CSMD1: variants seen among roughly 807,000 people sequenced by gnomAD.
CSMD1 encodes CUB and Sushi multiple domains 1.
In CSMD1, 213 loss-of-function variants were observed where a neutral mutation model predicts 417.5. That is an observed-to-expected ratio of 0.51 (90% confidence interval 0.46 to 0.57). The LOEUF is 0.57. Among genes scored for constraint, CSMD1 ranks in the 20% least tolerant of loss-of-function variants. CSMD1 has a pLI of 0.00. For missense variants in CSMD1, 6,923 were observed against 4,529.7 expected (o/e 1.53, Z -15.17); for synonymous variants, 2,862 against 1,736.8 (o/e 1.65, Z -16.11).
intron 2 of CSMD1, among the ~76,000 whole-genome samples, chr8:4,608,652 G>A (rs536404034): frequency 1.3e-5 from 2 of 152,280 alleles, no homozygotes; most frequent in South Asian, 2.1e-4. Context: ...TTTAATCACC[G>A]TTTATTAAGC....
intron 5 of CSMD1, among the ~76,000 whole-genome samples, chr8:3,772,735 C>G (rs1798686063): frequency 6.8e-6 from 1 of 147,754 alleles, no homozygotes; most frequent in African/African-American, 2.5e-5. Context: ...ACACACATAT[C>G]AAACATACCT....
intron 50 of CSMD1, among the ~76,000 whole-genome samples, chr8:3,032,412 A>G (rs138390635): frequency 0.011 from 1,740 of 152,126 alleles, 36 homozygotes; most frequent in Non-Finnish European, 0.017. Context: ...CTGCGTTCAT[A>G]CAAAAACAGT....
intron 3 of CSMD1, among the ~76,000 whole-genome samples, chr8:4,130,755 G>A (rs1414586130): frequency 6.6e-6 from 1 of 151,820 alleles, no homozygotes; most frequent in Non-Finnish European, 1.5e-5. Flanking sequence ...AGATTTTGAG[G>A]TGGTTAACAT....
At chr8:3,468,618 T>C in intron 12 of CSMD1, 94 bp downstream of exon 12, 1 of 685,574 alleles carries the variant, frequency 1.5e-6, no homozygotes, top group Non-Finnish European at 2.5e-6. Flanking sequence ...TTGTTTGACT[T>C]GTTGATTTTA....
Position 2,944,693 on chromosome 8 carries a change from T to TA in CSMD1, c.10403-2090dup, listed in dbSNP as rs950085027. On this transcript the variant is annotated intron_variant, in intron 68 of 69. Transcript: ENST00000635120. ...TGTGCTCAATATATATTTGCAAAAT[T>TA]AAAAAAAAAAGTTTTGTCTGTATAG... is the stretch of plus-strand genomic sequence containing the variant. Among the ~76,000 whole-genome samples the TA allele has an allele frequency of 9.2e-3, 1,383 of 149,634 alleles. 26 individuals carry two copies. The highest frequency in any genetic ancestry group is 0.031 in the African/African-American group (1,286 of 40,928).
At chr8:4,797,540 C>G (rs1195809562) in intron 1 of CSMD1, among the ~76,000 whole-genome samples, 1 of 151,974 alleles carries the variant, frequency 6.6e-6, no homozygotes, top group African/African-American at 2.4e-5. Context: ...TTTGCACCAA[C>G]CTGACCTAAT....
intron 41 of CSMD1, among the ~76,000 whole-genome samples, chr8:3,132,067 G>C (rs1817822613): frequency 6.6e-6 from 1 of 152,014 alleles, no homozygotes; most frequent in African/African-American, 2.4e-5. Context: ...GTGTAAGCCA[G>C]GGTTCACACG....
chr8:4,207,419 C>T (rs1800044375), intron 3 of CSMD1, among the ~76,000 whole-genome samples: 1 of 152,074 alleles, frequency 6.6e-6, no homozygotes, highest in Non-Finnish European at 1.5e-5. Context: ...CATATTTTGT[C>T]TTCAACCAAC....
intron 1 of CSMD1, among the ~76,000 whole-genome samples, chr8:4,828,672 C>A (rs1185635914): frequency 6.6e-6 from 1 of 152,076 alleles, no homozygotes; most frequent in East Asian, 1.9e-4. Context: ...TATACATTGA[C>A]CAGAGCCCAG....
chr8:3,829,646 G>C (rs548520545), intron 5 of CSMD1, among the ~76,000 whole-genome samples: 3 of 152,308 alleles, frequency 2.0e-5, no homozygotes, highest in East Asian at 3.9e-4. Flanking sequence ...TTAAGAATTA[G>C]AGATGTTCTA....
rs540419006 is a variant in CSMD1 at position 4,387,570 on chromosome 8, CAA to C, written c.415+32381_415+32382del. Among the ~76,000 whole-genome samples, 320 of 37,212 alleles carry C rather than the reference CAA, an allele frequency of 8.6e-3. 5 individuals carry two copies. Among genetic ancestry groups the C allele is most frequent in the South Asian group, 0.057 (36 of 636 alleles). The allele number at this position is 37,212 out of a possible 152,430, so 24.4% of individuals were successfully genotyped here. A position where few individuals can be genotyped will look rare whatever the true frequency, so the allele number is the denominator to read the frequency against. On this transcript the variant is annotated intron_variant, in intron 3 of 69. Coordinates refer to ENST00000635120, the MANE Select transcript of CSMD1 (RefSeq NM_033225.6). ...GAAGAGATGCATAAATCCAAACTGG[CAA>C]AAAAAAAAAAAAAAAAAAAAGAGTT...
At chr8:4,165,800 G>A (rs1714738) in intron 3 of CSMD1, among the ~76,000 whole-genome samples, 3,154 of 152,240 alleles carry the variant, frequency 0.021, 42 homozygotes, top group Non-Finnish European at 0.029. Flanking sequence ...CACTCCAGCC[G>A]CATTATGTCA....
At chr8:3,698,116 G>C (rs571178025) in intron 7 of CSMD1, among the ~76,000 whole-genome samples, 11 of 152,074 alleles carry the variant, frequency 7.2e-5, no homozygotes, top group Non-Finnish European at 4.4e-5. Context: ...ATCTTGTTTT[G>C]CTTCTAGTTC....
intron 3 of CSMD1, among the ~76,000 whole-genome samples, chr8:4,270,833 G>A (rs1263897157): frequency 4.1e-4 from 62 of 152,124 alleles, no homozygotes; most frequent in Non-Finnish European, 1.3e-4. Context: ...CACACTCCGT[G>A]ACTTCCCCAC....
At chr8:3,363,822 G>T (rs546469385) in intron 20 of CSMD1, among the ~76,000 whole-genome samples, 1 of 152,314 alleles carries the variant, frequency 6.6e-6, no homozygotes, top group South Asian at 2.1e-4. Context: ...CGTAGCGAGT[G>T]GGAAAGTAAG....
chr8:3,813,748 A>G (rs1029827638), intron 5 of CSMD1, among the ~76,000 whole-genome samples: 4 of 152,210 alleles, frequency 2.6e-5, no homozygotes, highest in African/African-American at 9.7e-5. Flanking sequence ...TTCTGGAGGT[A>G]TGAGGGATCA....
intron 12 of CSMD1, among the ~76,000 whole-genome samples, chr8:3,437,754 CT>C (rs34146233): frequency 6.1e-5 from 9 of 148,676 alleles, no homozygotes; most frequent in Middle Eastern, 3.5e-3. Flanking sequence ...GATATCTTTT[CT>C]TTTTTTTTTT....
At chr8:4,253,450 G>T (rs567735099) in intron 3 of CSMD1, among the ~76,000 whole-genome samples, 1 of 152,072 alleles carries the variant, frequency 6.6e-6, no homozygotes, top group Middle Eastern at 3.4e-3. Context: ...CACCATATCA[G>T]GACCTAATAA....
intron 7 of CSMD1, among the ~76,000 whole-genome samples, chr8:3,685,382 G>C (rs904393124): frequency 6.6e-6 from 1 of 152,150 alleles, no homozygotes; most frequent in Admixed American, 6.5e-5. Flanking sequence ...CAGGGGTCCT[G>C]TCTGGGTCCT....
Sources: gnomAD v4.1 joint callset for allele counts (sites outside exome capture counted in the v4.1 genomes callset) on GRCh38, gnomAD v4.1.1 for gene constraint, MANE v1.5 for transcripts, NCBI Gene and HGNC (gene_info 2026-07-23, HGNC 2026-07-21) for gene names.